Variants in HSPBAP1 observed in about 807,000 individuals in gnomAD.
The protein encoded by HSPBAP1 is HSPB1 associated protein 1.
Under a neutral mutation model 45.2 loss-of-function variants are expected in HSPBAP1, and 27 were observed. The ratio of observed to expected loss-of-function variants is 0.60; its 90% CI spans 0.44 to 0.82. The LOEUF (loss-of-function observed/expected upper bound fraction) is 0.82, where lower values mean the gene tolerates loss of function less well. HSPBAP1 is among the 40% of genes least tolerant of loss of function. The pLI is 0.00. For missense variants in HSPBAP1, 510 were observed against 590.9 expected (o/e 0.86, Z 1.42); for synonymous variants, 204 against 202.7 (o/e 1.01, Z -0.06).
intron 1 of HSPBAP1, among the ~76,000 whole-genome samples, chr3:122,781,120 A>C (rs1238156439): frequency 7.4e-6 from 1 of 134,810 alleles, no homozygotes; most frequent in Non-Finnish European, 1.6e-5. Flanking sequence ...ATGGGCGGCC[A>C]GGCAGAGACG....
chr3:122,770,941 A>C (rs1296119509), intron 2 of HSPBAP1, among the ~76,000 whole-genome samples: 3 of 152,272 alleles, frequency 2.0e-5, no homozygotes, highest in Admixed American at 2.0e-4. Context: ...ACTGAATACT[A>C]AAGCCATTAA....
In HSPBAP1 at chr3:122,754,435, A is replaced by C. The variant is rs141006325; in HGVS notation, c.741+825T>G. 2.3e-3 allele frequency: 1,490 copies of C among 637,916 alleles called. 3 individuals carry two copies. Among genetic ancestry groups the C allele is most frequent in the Non-Finnish European group, 2.7e-3 (1,358 of 510,950 alleles). The allele number at this position is 637,916 out of a possible 1,614,324, so 39.5% of individuals were successfully genotyped here. On this transcript the variant is annotated intron_variant, in intron 5 of 7. Transcript: ENST00000306103. ...TGTGTGAAATGTCCAGAATGGGCAAATCTAGAGATAGAAAAAGATTAGTTG... is the reference window on the plus strand; with the variant it reads ...TGTGTGAAATGTCCAGAATGGGCAACTCTAGAGATAGAAAAAGATTAGTTG...
intron 1 of HSPBAP1, among the ~76,000 whole-genome samples, chr3:122,788,846 T>C (rs1416319576): frequency 2.0e-5 from 3 of 152,186 alleles, no homozygotes; most frequent in Middle Eastern, 6.3e-3. Flanking sequence ...AGATTTGCAA[T>C]ATGAAAAAGC....
chr3:122,781,420 C>T (rs1357786976), intron 1 of HSPBAP1, among the ~76,000 whole-genome samples: 3 of 151,710 alleles, frequency 2.0e-5, no homozygotes, highest in Non-Finnish European at 3.0e-5. Flanking sequence ...TCAGGCGTGG[C>T]GGCGCGTGCC....
intron 6 of HSPBAP1, among the ~76,000 whole-genome samples, chr3:122,748,628 A>G (rs1375584138): frequency 1.3e-5 from 2 of 152,232 alleles, no homozygotes; most frequent in African/African-American, 4.8e-5. Flanking sequence ...GCACTTTCAC[A>G]TACTACTAAT....
At chr3:122,744,680 G>A (rs568484432) in intron 6 of HSPBAP1, among the ~76,000 whole-genome samples, 1 of 152,312 alleles carries the variant, frequency 6.6e-6, no homozygotes, top group Non-Finnish European at 1.5e-5. Context: ...CTTGGAGTCT[G>A]TTTATAGTCA....
intron 4 of HSPBAP1, among the ~76,000 whole-genome samples, chr3:122,756,980 T>G (rs1017859631): frequency 2.6e-5 from 4 of 152,142 alleles, no homozygotes; most frequent in Non-Finnish European, 5.9e-5. Context: ...GCTTGCCCAG[T>G]GTCACTCACT....
chr3:122,758,947 G>T (rs1386263514), intron 4 of HSPBAP1: 2 of 408,888 alleles, frequency 4.9e-6, no homozygotes, highest in Middle Eastern at 3.4e-4. Flanking sequence ...AGCTGACCTG[G>T]GAGTGGAATC....
chr3:122,780,939 C>T (rs11923397), intron 1 of HSPBAP1, among the ~76,000 whole-genome samples: 1,660 of 39,572 alleles, frequency 0.042, 512 homozygotes, highest in Non-Finnish European at 0.082. Context: ...AGAGGCGGTC[C>T]CCACATCTCA....
At chr3:122,784,590 T>C (rs946883925) in intron 1 of HSPBAP1, among the ~76,000 whole-genome samples, 3 of 152,208 alleles carry the variant, frequency 2.0e-5, no homozygotes, top group African/African-American at 4.8e-5. Context: ...CAGAGAGCTA[T>C]TGCAATAGCC....
chr3:122,791,270 C>T (rs1935820009), intron 1 of HSPBAP1, among the ~76,000 whole-genome samples: 1 of 152,216 alleles, frequency 6.6e-6, no homozygotes, highest in African/African-American at 2.4e-5. Flanking sequence ...TTAAGGCTTC[C>T]TACTGTCTTA....
intron 6 of HSPBAP1, among the ~76,000 whole-genome samples, chr3:122,745,014 T>C (rs915800503): frequency 3.9e-5 from 6 of 151,916 alleles, no homozygotes; most frequent in African/African-American, 1.5e-4. Context: ...AAACAAAAAG[T>C]AATGAAATAG....
intron 6 of HSPBAP1, 23 bp downstream of exon 6, chr3:122,752,568 A>G: frequency 6.8e-7 from 1 of 1,478,230 alleles, no homozygotes; most frequent in Non-Finnish European, 9.2e-7. Flanking sequence ...CTTAAAAAAA[A>G]AAAAAAAACA....
intron 6 of HSPBAP1, among the ~76,000 whole-genome samples, chr3:122,742,549 T>G (rs1933704878): frequency 6.6e-6 from 1 of 152,134 alleles, no homozygotes; most frequent in African/African-American, 2.4e-5. Context: ...TAATTTTGAG[T>G]CAAGGTGGCT....
intron 2 of HSPBAP1, among the ~76,000 whole-genome samples, chr3:122,771,180 A>G (rs937087498): frequency 1.3e-5 from 2 of 152,244 alleles, no homozygotes; most frequent in South Asian, 2.1e-4. Context: ...AATGGAAATG[A>G]CAGATCTTTT....
intron 6 of HSPBAP1, among the ~76,000 whole-genome samples, chr3:122,750,621 C>G (rs781541734): frequency 2.0e-5 from 3 of 152,056 alleles, no homozygotes; most frequent in Admixed American, 6.5e-5. Context: ...CACCCAGGAG[C>G]AATGAACAGA....
chr3:122,783,763 C>G (rs1935566013), intron 1 of HSPBAP1, among the ~76,000 whole-genome samples: 1 of 146,288 alleles, frequency 6.8e-6, no homozygotes, highest in Admixed American at 7.1e-5. Context: ...ACAGATTTCT[C>G]TCAGCCTTTA....
chr3:122,743,803 G>A (rs761106879), intron 6 of HSPBAP1, among the ~76,000 whole-genome samples: 10 of 152,090 alleles, frequency 6.6e-5, no homozygotes, highest in Non-Finnish European at 1.2e-4. Context: ...GAGAGTGAAC[G>A]GAACAGACAG....
At chr3:122,760,343 C>G (rs1188222575) in intron 3 of HSPBAP1, among the ~76,000 whole-genome samples, 1 of 151,090 alleles carries the variant, frequency 6.6e-6, no homozygotes, top group Non-Finnish European at 1.5e-5. Flanking sequence ...GTTTTCCTTT[C>G]AGTTTTAAAA....
Sources: allele counts gnomAD v4.1 joint callset (sites outside exome capture counted in the v4.1 genomes callset), GRCh38; gene constraint gnomAD v4.1.1; transcripts MANE v1.5; gene names NCBI Gene and HGNC (gene_info 2026-07-23, HGNC 2026-07-21).